Variants in RBFOX1 observed in about 807,000 individuals in gnomAD.
The protein encoded by RBFOX1 is RNA binding protein fox-1 homolog 1.
RBFOX1 carries 8 observed loss-of-function variants against 57.7 expected under a neutral mutation model. That is an observed-to-expected ratio of 0.14 (90% CI 0.08 to 0.25). The LOEUF (loss-of-function observed/expected upper bound fraction) is 0.25, where lower values mean the gene tolerates loss of function less well. Among genes scored for constraint, RBFOX1 ranks in the 10% least tolerant of loss-of-function variants. The probability of loss-of-function intolerance (pLI) is 1.00; values close to 1 mark genes in which losing one functional copy is unlikely to be tolerated. For missense variants in RBFOX1, 611 were observed against 548.5 expected (o/e 1.11, Z -1.14); for synonymous variants, 326 against 222.4 (o/e 1.47, Z -4.15).
At chr16:5,599,565 C>G (rs2047297725) in exon 3 of RBFOX1, 1 of 286,718 alleles carries the variant, frequency 3.5e-6, no homozygotes, top group Admixed American at 4.7e-5. Context: ...GTGCATTCCC[C>G]AAGTGTGACC....
At chr16:6,746,817 C>T (rs117666981) in intron 3 of RBFOX1, among the ~76,000 whole-genome samples, 4 of 151,988 alleles carry the variant, frequency 2.6e-5, no homozygotes, top group African/African-American at 9.7e-5. Context: ...CTAGTGATCC[C>T]AAGTCTGTTA....
chr16:7,645,788 A>T (rs1021840599), intron 11 of RBFOX1, among the ~76,000 whole-genome samples: 3 of 152,208 alleles, frequency 2.0e-5, no homozygotes, highest in Admixed American at 6.5e-5. Flanking sequence ...TTTAATATCA[A>T]CATGCATTTC....
At chr16:6,697,540 A>C (rs1250863748) in intron 3 of RBFOX1, among the ~76,000 whole-genome samples, 2 of 152,222 alleles carry the variant, frequency 1.3e-5, no homozygotes, top group Non-Finnish European at 2.9e-5. Context: ...TTGTGTGATC[A>C]CATGGTCCAT....
chr16:6,279,238 T>G (rs139402326), intron 1 of RBFOX1, among the ~76,000 whole-genome samples: 1 of 152,318 alleles, frequency 6.6e-6, no homozygotes, highest in African/African-American at 2.4e-5. Context: ...AGGATTAGTC[T>G]GGTTATCAAT....
chr16:6,306,134 C>T (rs370511017), intron 1 of RBFOX1, among the ~76,000 whole-genome samples: 3 of 152,204 alleles, frequency 2.0e-5, no homozygotes, highest in African/African-American at 7.2e-5. Context: ...CCTCAGGCAG[C>T]ATTCAGCCTG....
intron 4 of RBFOX1, among the ~76,000 whole-genome samples, chr16:7,214,624 A>G (rs890115479): frequency 6.6e-6 from 1 of 151,986 alleles, no homozygotes; most frequent in Non-Finnish European, 1.5e-5. Flanking sequence ...TACAAATCTG[A>G]TCATGTCTGA....
At chr16:6,882,452 G>C (rs1048724597) in intron 3 of RBFOX1, among the ~76,000 whole-genome samples, 2 of 151,934 alleles carry the variant, frequency 1.3e-5, no homozygotes, top group African/African-American at 2.4e-5. Flanking sequence ...AAATTATCTG[G>C]GCATGGTGGT....
At chr16:6,881,560 T>A (rs2062939219) in intron 3 of RBFOX1, among the ~76,000 whole-genome samples, 1 of 152,202 alleles carries the variant, frequency 6.6e-6, no homozygotes, top group Non-Finnish European at 1.5e-5. Context: ...TGCATACTCC[T>A]CTTCCTGTAA....
At chr16:7,104,211 G>T (rs2063176926) in intron 4 of RBFOX1, among the ~76,000 whole-genome samples, 1 of 152,058 alleles carries the variant, frequency 6.6e-6, no homozygotes, top group South Asian at 2.1e-4. Context: ...CTGCTGTCTG[G>T]AACTACTGAA....
intron 2 of RBFOX1, among the ~76,000 whole-genome samples, chr16:6,586,977 T>G (rs1600693498): frequency 6.6e-6 from 1 of 152,144 alleles, no homozygotes; most frequent in African/African-American, 2.4e-5. Flanking sequence ...TTTAAATGAG[T>G]TAAATTAATA....
intron 4 of RBFOX1, among the ~76,000 whole-genome samples, chr16:7,476,408 A>G (rs940499129): frequency 3.3e-5 from 5 of 152,232 alleles, no homozygotes; most frequent in Admixed American, 6.5e-5. Context: ...TCTATATAAC[A>G]CGCTTTGAAA....
intron 2 of RBFOX1, among the ~76,000 whole-genome samples, chr16:6,626,272 T>C: frequency 6.6e-6 from 1 of 152,036 alleles, no homozygotes; most frequent in East Asian, 1.9e-4. Flanking sequence ...GTCCTTTAAG[T>C]GTTGGCCATG....
At chr16:5,698,683 G>T (rs1013242266) in intron 3 of RBFOX1, among the ~76,000 whole-genome samples, 3 of 152,142 alleles carry the variant, frequency 2.0e-5, no homozygotes, top group African/African-American at 4.8e-5. Flanking sequence ...AGGGCCAAAA[G>T]TTGGAAGCAA....
intron 1 of RBFOX1, among the ~76,000 whole-genome samples, chr16:5,250,345 T>A (rs188405562): frequency 1.3e-5 from 2 of 152,270 alleles, no homozygotes; most frequent in Non-Finnish European, 2.9e-5. Flanking sequence ...CATGGTGGTT[T>A]ACTGCACCTA....
chr16:5,501,318 C>CAAAAAAAAAAAAAAAAA (rs1160788118), intron 2 of RBFOX1, among the ~76,000 whole-genome samples: 27 of 64,870 alleles, frequency 4.2e-4, no homozygotes, highest in East Asian at 1.1e-3. Context: ...ACTCTGTCTA[C>CAAAAAAAAAAAAAAAAA]AAAAAAAAAA....
chr16:6,208,791 C>G (rs928017137), intron 1 of RBFOX1, among the ~76,000 whole-genome samples: 3 of 152,166 alleles, frequency 2.0e-5, no homozygotes, highest in Non-Finnish European at 4.4e-5. Flanking sequence ...CCCTTCCTAT[C>G]AAGGCAAGGA....
chr16:7,251,506 G>T (rs1021675886), intron 4 of RBFOX1, among the ~76,000 whole-genome samples: 1 of 151,558 alleles, frequency 6.6e-6, no homozygotes, highest in Non-Finnish European at 1.5e-5. Context: ...TGCCTCGTGG[G>T]TTCAAGTGAT....
chr16:7,542,433 G>A (rs886405177), intron 5 of RBFOX1, among the ~76,000 whole-genome samples: 7 of 152,034 alleles, frequency 4.6e-5, no homozygotes, highest in Non-Finnish European at 8.8e-5. Context: ...ACCCAAACGG[G>A]TGCAAGTGCA....
At chr16:6,721,632 T>G (rs926096076) in intron 3 of RBFOX1, among the ~76,000 whole-genome samples, 4 of 152,218 alleles carry the variant, frequency 2.6e-5, no homozygotes, top group Non-Finnish European at 5.9e-5. Context: ...CATTCCACTT[T>G]CCCTCTTTGT....
Sources: allele counts gnomAD v4.1 joint callset (sites outside exome capture counted in the v4.1 genomes callset), GRCh38; gene constraint gnomAD v4.1.1; transcripts MANE v1.5; gene names NCBI Gene and HGNC (gene_info 2026-07-23, HGNC 2026-07-21).